Variants in OSTN observed in about 807,000 individuals in gnomAD.
OSTN encodes the protein osteocrin.
Under a neutral mutation model 12.0 loss-of-function variants are expected in OSTN, and 9 were observed. The ratio of observed to expected loss-of-function variants is 0.75; its 90% CI spans 0.45 to 1.30. OSTN has a LOEUF of 1.30. Ranked by LOEUF, OSTN falls within the 50% of genes most tolerant of loss-of-function variation. The probability of loss-of-function intolerance (pLI) is 0.00; values close to 1 mark genes in which losing one functional copy is unlikely to be tolerated. For missense variants in OSTN, 148 were observed against 152.3 expected (o/e 0.97, Z 0.15); for synonymous variants, 59 against 56.9 (o/e 1.04, Z -0.16).
At chr3:191,238,978 C>T (rs986382658) in intron 3 of OSTN, among the ~76,000 whole-genome samples, 1 of 152,176 alleles carries the variant, frequency 6.6e-6, no homozygotes, top group Non-Finnish European at 1.5e-5. Context: ...ATTTGCTGAA[C>T]AGAAGTTTTA....
At chr3:191,236,787 TA>T (rs957904903) in intron 3 of OSTN, among the ~76,000 whole-genome samples, 1 of 152,150 alleles carries the variant, frequency 6.6e-6, no homozygotes, top group Non-Finnish European at 1.5e-5. Context: ...TTCTTAACTG[TA>T]AACATCCTCT....
chr3:191,204,262 C>T (rs1230615025), intron 1 of OSTN, among the ~76,000 whole-genome samples: 6 of 151,880 alleles, frequency 4.0e-5, no homozygotes, highest in Admixed American at 3.9e-4. Flanking sequence ...TTCAGGAATC[C>T]AAAACATAAA....
chr3:191,222,937 G>A (rs1714806009), intron 3 of OSTN, among the ~76,000 whole-genome samples: 1 of 152,062 alleles, frequency 6.6e-6, no homozygotes, highest in African/African-American at 2.4e-5. Context: ...AGAAGGATGT[G>A]TTTGCTTCTC....
At chr3:191,210,570 A>G (rs1267374440) in intron 1 of OSTN, among the ~76,000 whole-genome samples, 1 of 152,210 alleles carries the variant, frequency 6.6e-6, no homozygotes, top group African/African-American at 2.4e-5. Flanking sequence ...TCATTTCACA[A>G]AAAGTAGAAA....
intron 1 of OSTN, among the ~76,000 whole-genome samples, chr3:191,201,403 CCT>C (rs757764133): frequency 2.0e-5 from 3 of 152,050 alleles, no homozygotes; most frequent in Non-Finnish European, 4.4e-5. Context: ...ATGATTGCTT[CCT>C]CTGTTTCTAA....
chr3:191,207,735 T>C (rs923764281), intron 1 of OSTN, among the ~76,000 whole-genome samples: 1 of 152,196 alleles, frequency 6.6e-6, no homozygotes, highest in South Asian at 2.1e-4. Context: ...TGCTGGAATT[T>C]CAGAGCCTTT....
intron 2 of OSTN, among the ~76,000 whole-genome samples, chr3:191,212,947 T>C (rs1714503064): frequency 7.2e-6 from 1 of 138,622 alleles, no homozygotes. Flanking sequence ...CTCAGCTCAC[T>C]GCAACTTCCA....
At chr3:191,206,190 A>G (rs1714270111) in intron 1 of OSTN, among the ~76,000 whole-genome samples, 1 of 54,478 alleles carries the variant, frequency 1.8e-5, no homozygotes, top group Non-Finnish European at 3.5e-5. Flanking sequence ...CCATCTCAGA[A>G]AAAAAAAAAA....
At chr3:191,232,223 C>A (rs912094291) in intron 3 of OSTN, among the ~76,000 whole-genome samples, 1 of 148,144 alleles carries the variant, frequency 6.8e-6, no homozygotes, top group East Asian at 2.1e-4. Context: ...CCCAGCTACT[C>A]GGGAGGCTGA....
chr3:191,258,654 A>G lies in OSTN; in HGVS notation c.*13-4212A>G, dbSNP rs567852645. 1.2e-4 allele frequency among the ~76,000 whole-genome samples: 17 copies of G among 138,192 alleles called. No individual in the cohort carries two copies. The South Asian group carries it at 4.0e-3, about 32-fold the overall frequency. The allele number at this position is 138,192 out of a possible 152,430, so 90.7% of individuals were successfully genotyped here. ...GCACATGTATTCCAGGACTTAAAGTATAATTAAAAAAAAAAAAAAATCAAG... is the reference window on the plus strand; with the variant it reads ...GCACATGTATTCCAGGACTTAAAGTGTAATTAAAAAAAAAAAAAAATCAAG... On this transcript the variant is annotated intron_variant, in intron 4 of 4. Transcript: ENST00000682035.
chr3:191,247,001 A>G (rs1379681063), intron 3 of OSTN, among the ~76,000 whole-genome samples: 1 of 152,236 alleles, frequency 6.6e-6, no homozygotes, highest in Non-Finnish European at 1.5e-5. Context: ...TGCAAAATGC[A>G]TTTGCTATAT....
intron 4 of OSTN, among the ~76,000 whole-genome samples, chr3:191,260,751 C>A (rs1314893054): frequency 6.6e-6 from 1 of 151,780 alleles, no homozygotes; most frequent in African/African-American, 2.4e-5. Context: ...CCCACTTAGT[C>A]AGATGTCAAG....
chr3:191,216,210 C>G (rs1294930547), intron 2 of OSTN, among the ~76,000 whole-genome samples: 1 of 152,174 alleles, frequency 6.6e-6, no homozygotes, highest in East Asian at 1.9e-4. Flanking sequence ...TGTTGGCCCC[C>G]TTAGCCACAG....
intron 2 of OSTN, chr3:191,216,954 T>C (rs1230839765): frequency 6.6e-6 from 1 of 152,472 alleles, no homozygotes; most frequent in Non-Finnish European, 1.5e-5. Context: ...GGTATCTTTA[T>C]AGCAACACCC....
intron 4 of OSTN, among the ~76,000 whole-genome samples, chr3:191,252,318 G>A (rs1576939458): frequency 6.6e-6 from 1 of 152,152 alleles, no homozygotes; most frequent in East Asian, 1.9e-4. Context: ...TCCTGCCTCG[G>A]CCTCCCAAAG....
intron 4 of OSTN, among the ~76,000 whole-genome samples, chr3:191,255,891 A>T (rs1715660050): frequency 6.6e-6 from 1 of 152,066 alleles, no homozygotes; most frequent in Non-Finnish European, 1.5e-5. Context: ...GAGTCCTAAA[A>T]ATTTTGTGAT....
At chr3:191,228,319 A>G (rs930710892) in intron 3 of OSTN, among the ~76,000 whole-genome samples, 1 of 152,214 alleles carries the variant, frequency 6.6e-6, no homozygotes, top group African/African-American at 2.4e-5. Context: ...TGTGCAAAGG[A>G]GGAATGTAAT....
At chr3:191,252,108 G>C (rs1424444949) in intron 4 of OSTN, among the ~76,000 whole-genome samples, 1 of 152,124 alleles carries the variant, frequency 6.6e-6, no homozygotes, top group Non-Finnish European at 1.5e-5. Context: ...TTATCAGGCT[G>C]AAGTGCAGTT....
At chr3:191,232,926 C>T (rs1576932291) in intron 3 of OSTN, among the ~76,000 whole-genome samples, 1 of 152,200 alleles carries the variant, frequency 6.6e-6, no homozygotes, top group East Asian at 1.9e-4. Context: ...TAAATGCTAT[C>T]TTTCATTTAC....
Sources: allele counts gnomAD v4.1 joint callset (sites outside exome capture counted in the v4.1 genomes callset), GRCh38; gene constraint gnomAD v4.1.1; transcripts MANE v1.5; gene names NCBI Gene and HGNC (gene_info 2026-07-23, HGNC 2026-07-21).